DEPDC5: variants seen among roughly 807,000 people sequenced by gnomAD.
The protein encoded by DEPDC5 is GATOR1 complex protein DEPDC5.
A neutral mutation model predicts 217.3 loss-of-function variants in DEPDC5; 73 were observed. The ratio of observed to expected loss-of-function variants is 0.34; its 90% CI spans 0.28 to 0.41. The LOEUF is 0.41. Ranked by LOEUF, DEPDC5 falls within the 10% of genes least tolerant of loss-of-function variation. DEPDC5 has a pLI of 1.00. For missense variants in DEPDC5, 1,675 were observed against 2,070.1 expected (o/e 0.81, Z 3.70); for synonymous variants, 733 against 756.7 (o/e 0.97, Z 0.51).
At chr22:31,766,919 A>G (rs567993486) in intron 6 of DEPDC5, among the ~76,000 whole-genome samples, 13 of 152,246 alleles carry the variant, frequency 8.5e-5, no homozygotes, top group African/African-American at 2.9e-4. Context: ...TTGGAATAGA[A>G]CCGTACTTTT....
At chr22:31,763,039 G>A (rs1328329233) in intron 4 of DEPDC5, among the ~76,000 whole-genome samples, 2 of 151,794 alleles carry the variant, frequency 1.3e-5, no homozygotes, top group East Asian at 3.9e-4. Flanking sequence ...CACCCAGGCT[G>A]GAACGCAATG....
At chr22:31,799,934 C>G (rs2086693716) in intron 14 of DEPDC5, among the ~76,000 whole-genome samples, 1 of 150,096 alleles carries the variant, frequency 6.7e-6, no homozygotes, top group African/African-American at 2.5e-5. Flanking sequence ...TCCCAAGTAG[C>G]TGGGATCACA....
chr22:31,898,666 T>G (rs2093596254), intron 40 of DEPDC5, among the ~76,000 whole-genome samples: 2 of 152,222 alleles, frequency 1.3e-5, no homozygotes, highest in South Asian at 4.1e-4. Context: ...TCCTGCAATT[T>G]CCATGTGACA....
At position 31,847,009 on chromosome 22, in the gene DEPDC5, G is replaced by A. The variant is rs1401728980; in HGVS notation, c.3155+42G>A. 2.5e-6 allele frequency: 4 copies of A among 1,613,416 alleles called. No homozygotes were observed. In the South Asian group the frequency reaches 3.3e-5, roughly 13 times the overall value. On this transcript the variant is annotated intron_variant, in intron 31 of 42. Transcript: ENST00000651528. ...AGACTGACTTGTCCCCACCTTGACA[G>A]CCCTGAGGGTTTTCAGTGCCCTGTT...
chr22:31,848,934 A>G (rs2091888201), intron 31 of DEPDC5, among the ~76,000 whole-genome samples: 1 of 152,218 alleles, frequency 6.6e-6, no homozygotes, highest in Non-Finnish European at 1.5e-5. Context: ...GCAAAATGCC[A>G]CCAGTCTCTT....
At chr22:31,890,729 T>C (rs939019683) in intron 38 of DEPDC5, among the ~76,000 whole-genome samples, 1 of 151,628 alleles carries the variant, frequency 6.6e-6, no homozygotes, top group African/African-American at 2.4e-5. Context: ...TTTTTAAAAT[T>C]TTTATTTTAT....
chr22:31,793,655 C>T (rs1448911742), intron 12 of DEPDC5, among the ~76,000 whole-genome samples: 4 of 151,996 alleles, frequency 2.6e-5, no homozygotes, highest in East Asian at 3.9e-4. Flanking sequence ...CTGCAAACTC[C>T]GCCTCCCAGG....
Position 31,861,348 on chromosome 22 carries a change from T to G in DEPDC5, c.3265-20T>G. Reference sequence around the variant, plus strand: ...CTTCCTTGCAACTGCTGCTGCTGCTTCCTCCTCCTGTGACTTCAGGACGGG... The same window carrying G: ...CTTCCTTGCAACTGCTGCTGCTGCTGCCTCCTCCTGTGACTTCAGGACGGG... On this transcript the variant is annotated intron_variant, in intron 32 of 42. Transcript: ENST00000651528. 2 of 1,551,226 alleles carry G rather than the reference T, an allele frequency of 1.3e-6. No individual in the cohort carries two copies. The highest frequency in any genetic ancestry group is 1.7e-4 in the Middle Eastern group (1 of 5,992).
At position 31,784,506 on chromosome 22, in the gene DEPDC5, G is replaced by A. The variant is rs550985418; in HGVS notation, c.563-308G>A. ...TAGCTGGGCTTGGTGGTGGGCGCCT[G>A]TAATCCCAGCTACTCAGGATGCTGA... On this transcript the variant is annotated intron_variant, in intron 9 of 42. Transcript: ENST00000651528. 9.7e-4 allele frequency: 235 copies of A among 241,792 alleles called. 3 individuals are homozygous for A. In the Admixed American group the frequency reaches 0.01, roughly 11 times the overall value. 15.0% of individuals were successfully genotyped at this position (241,792 alleles called of 1,614,324 possible). A position where few individuals can be genotyped will look rare whatever the true frequency, so the allele number is the denominator to read the frequency against.
intron 41 of DEPDC5, among the ~76,000 whole-genome samples, chr22:31,905,760 G>A (rs559029872): frequency 6.6e-6 from 1 of 152,202 alleles, no homozygotes; most frequent in South Asian, 2.1e-4. Context: ...ATGACGGGCT[G>A]CTGGGTGTGA....
chr22:31,811,848 G>A (rs1292513431), intron 20 of DEPDC5, among the ~76,000 whole-genome samples: 3 of 152,058 alleles, frequency 2.0e-5, no homozygotes. Flanking sequence ...ACTCAGCCAT[G>A]TAGTAGTTTT....
intron 14 of DEPDC5, among the ~76,000 whole-genome samples, chr22:31,800,398 C>G (rs2086746267): frequency 6.6e-6 from 1 of 152,094 alleles, no homozygotes; most frequent in Admixed American, 6.6e-5. Context: ...ATGATGCCCC[C>G]ACTCACCTAC....
At chr22:31,855,523 C>A (rs983040763) in intron 31 of DEPDC5, among the ~76,000 whole-genome samples, 2 of 151,632 alleles carry the variant, frequency 1.3e-5, no homozygotes, top group Non-Finnish European at 2.9e-5. Flanking sequence ...ACTACAGGCG[C>A]CCGCCACAAC....
At chr22:31,755,510 A>G (rs1050018541) in intron 2 of DEPDC5, 5 of 152,368 alleles carry the variant, frequency 3.3e-5, no homozygotes, top group African/African-American at 1.2e-4. Context: ...AGTGTACCTT[A>G]TCTGAAAGTT....
At chr22:31,881,675 G>A (rs1324099624) in intron 38 of DEPDC5, among the ~76,000 whole-genome samples, 2 of 152,090 alleles carry the variant, frequency 1.3e-5, no homozygotes, top group African/African-American at 4.8e-5. Context: ...GGCCAGGCAT[G>A]TGGCTCATGC....
chr22:31,846,973 T>G lies in DEPDC5; in HGVS notation c.3155+6T>G. The stretch of plus-strand genomic sequence containing the variant: ...GAGATGGAGGCCAGTCAGAAGTAAG[T>G]GCTTGGTGGAAGACTGACTTGTCCC... On this transcript the variant is annotated splice_donor_region_variant and intron_variant, in intron 31 of 42. Coordinates refer to ENST00000651528, the MANE Select transcript of DEPDC5 (RefSeq NM_001242896.3). The G allele has an allele frequency of 6.2e-7, 1 of 1,614,230 alleles. No individual in the cohort carries two copies. The highest frequency in any genetic ancestry group is 8.5e-7 in the Non-Finnish European group (1 of 1,180,018).
chr22:31,880,790 C>T (rs1040591650), intron 38 of DEPDC5, among the ~76,000 whole-genome samples: 11 of 150,516 alleles, frequency 7.3e-5, no homozygotes, highest in South Asian at 2.1e-4. Context: ...TTTGGGAGGC[C>T]GAGGCAGGCA....
chr22:31,883,840 GA>G (rs1240422565), intron 38 of DEPDC5, among the ~76,000 whole-genome samples: 1 of 152,198 alleles, frequency 6.6e-6, no homozygotes, highest in Non-Finnish European at 1.5e-5. Flanking sequence ...TCTGCCCTGT[GA>G]TGAGGGACAC....
At position 31,879,625 on chromosome 22, in the gene DEPDC5, G is replaced by T; in HGVS notation, c.3906G>T (p.Glu1302Asp). The T allele has an allele frequency of 6.2e-7, 1 of 1,614,058 alleles. No individual in the cohort carries two copies. ...KWFEVAFVAE[E>D]LVHSEIPAFL... ...TTGAGGTGGCCTTTGTGGCAGAAGA[G>T]CTCGTGCACTCTGAGATTCCTGCCT... The change falls in exon 38 of 43, where the codon GAG becomes GAT. Residue 1302 changes from glutamate to aspartate, a missense_variant. Physicochemically the swap from Glu to Asp is conservative, Grantham distance 45. Around this residue, in one of 11 missense-constraint regions of DEPDC5, gnomAD observed 194 missense variants for 199.3 expected, o/e 0.97. Coordinates refer to ENST00000651528, the MANE Select transcript of DEPDC5 (RefSeq NM_001242896.3).
Sources: gnomAD v4.1 joint callset for allele counts (sites outside exome capture counted in the v4.1 genomes callset) on GRCh38, gnomAD v4.1.1 for gene constraint, gnomAD v4.1.1 regional missense constraint, MANE v1.5 for transcripts, NCBI Gene and HGNC (gene_info 2026-07-23, HGNC 2026-07-21) for gene names.